The following PARP1 variants were observed in gnomAD, a reference collection of about 807,000 sequenced individuals.
PARP1 encodes the protein poly(ADP-ribose) polymerase 1.
PARP1 carries 44 observed loss-of-function variants against 118.7 expected under a neutral mutation model. The observed-to-expected ratio is 0.37, with a 90% CI of 0.29 to 0.48. The LOEUF (loss-of-function observed/expected upper bound fraction) is 0.48. Ranked by LOEUF, PARP1 falls within the 20% of genes least tolerant of loss-of-function variation. The pLI is 0.99. For missense variants in PARP1, 1,100 were observed against 1,272.4 expected (o/e 0.86, Z 2.06); for synonymous variants, 492 against 483.2 (o/e 1.02, Z -0.24).
intron 13 of PARP1, among the ~76,000 whole-genome samples, chr1:226,376,821 G>C (rs1483055842): frequency 6.6e-6 from 1 of 152,148 alleles, no homozygotes; most frequent in Non-Finnish European, 1.5e-5. Context: ...TTAGGATTTT[G>C]TATCTCTATT....
At chr1:226,370,370 AG>A in intron 15 of PARP1, 63 bp downstream of exon 15, 1 of 1,143,070 alleles carries the variant, frequency 8.7e-7, no homozygotes, top group Middle Eastern at 1.9e-4. Flanking sequence ...TGCCACCCCC[AG>A]GTCTCACCCC....
At chr1:226,362,952 A>C in intron 21 of PARP1, 147 bp downstream of exon 21, 1 of 686,592 alleles carries the variant, frequency 1.5e-6, no homozygotes, top group Non-Finnish European at 2.7e-6. Context: ...AACAACAACA[A>C]CGCACACACA....
chr1:226,389,371 G>A (rs895121886), intron 4 of PARP1, among the ~76,000 whole-genome samples: 8 of 152,166 alleles, frequency 5.3e-5, no homozygotes, highest in Admixed American at 1.3e-4. Flanking sequence ...AAATACAGGC[G>A]CAGGACAGCC....
chr1:226,388,942 TGCA>T (rs1430376211), intron 4 of PARP1, among the ~76,000 whole-genome samples, 187 bp from the exon 5 acceptor site: 1 of 152,104 alleles, frequency 6.6e-6, no homozygotes, highest in Non-Finnish European at 1.5e-5. Flanking sequence ...AGGGAGTACT[TGCA>T]GCCAAGATGG....
intron 3 of PARP1, among the ~76,000 whole-genome samples, 197 bp downstream of exon 3, chr1:226,392,002 G>A (rs1215279691): frequency 6.6e-6 from 1 of 152,188 alleles, no homozygotes; most frequent in African/African-American, 2.4e-5. Flanking sequence ...ATGAGAACTG[G>A]ACCGTGATAA....
chr1:226,379,540 C>A, intron 11 of PARP1, 33 bp downstream of exon 11: 1 of 1,570,718 alleles, frequency 6.4e-7, no homozygotes, highest in Non-Finnish European at 8.8e-7. Context: ...GGGGGCGGCA[C>A]AGCCCACTTT....
chr1:226,397,050 G>A (rs187792424), intron 2 of PARP1, among the ~76,000 whole-genome samples: 85 of 151,964 alleles, frequency 5.6e-4, no homozygotes, highest in African/African-American at 1.9e-3. Flanking sequence ...CCTGTGCTTT[G>A]GGAGGCAGAG....
In PARP1 at chr1:226,361,180, A is replaced by G. The variant is rs1283801728; in HGVS notation, c.*280T>C. On this transcript the variant is annotated 3_prime_UTR_variant, in exon 23 of 23. Transcript: ENST00000366794. Reference sequence around the variant, plus strand: ...TTTTTTCCATAGGACTAGTCTATGCAACAGAATCTCTCTCCAGCCTTTTCT... The same window carrying G: ...TTTTTTCCATAGGACTAGTCTATGCGACAGAATCTCTCTCCAGCCTTTTCT... The G allele has an allele frequency of 3.8e-6, 2 of 530,954 alleles. No homozygotes were observed. The highest frequency in any genetic ancestry group is 6.8e-6 in the Non-Finnish European group (2 of 293,420). The allele number at this position is 530,954 out of a possible 1,614,324, so 32.9% of individuals were successfully genotyped here.
chr1:226,372,681 A>C (rs1664411833), intron 14 of PARP1, among the ~76,000 whole-genome samples: 1 of 152,054 alleles, frequency 6.6e-6, no homozygotes. Context: ...TCTCAAACCA[A>C]ACCAAACCAA....
chr1:226,378,573 T>A (rs1479149914), intron 12 of PARP1, among the ~76,000 whole-genome samples: 2 of 152,140 alleles, frequency 1.3e-5, no homozygotes, highest in Admixed American at 1.3e-4. Context: ...TGGGGCTGGG[T>A]GCAGAGGCTC....
At chr1:226,396,489 A>C (rs182009189) in intron 2 of PARP1, among the ~76,000 whole-genome samples, 15 of 152,222 alleles carry the variant, frequency 9.9e-5, no homozygotes, top group Admixed American at 9.2e-4. Context: ...AAGAAAATCA[A>C]GCACACTCAC....
intron 13 of PARP1, among the ~76,000 whole-genome samples, chr1:226,376,217 T>C (rs1188201614): frequency 6.6e-6 from 1 of 152,178 alleles, no homozygotes; most frequent in African/African-American, 2.4e-5. Context: ...ACAGATCTTT[T>C]TGTAAAATAA....
chr1:226,379,481 A>AG (rs1300175899), intron 11 of PARP1, 92 bp downstream of exon 11: 1 of 1,165,302 alleles, frequency 8.6e-7, no homozygotes, highest in African/African-American at 1.5e-5. Context: ...ACACTGCCCC[A>AG]GGTATGCTGC....
intron 8 of PARP1, among the ~76,000 whole-genome samples, chr1:226,381,778 T>C (rs920388451): frequency 6.6e-6 from 1 of 152,162 alleles, no homozygotes; most frequent in Non-Finnish European, 1.5e-5. Context: ...GGGGTGTGCC[T>C]TCTGTTCACA....
chr1:226,385,451 G>GTGGGGCCAGGTT, intron 7 of PARP1, 53 bp downstream of exon 7: 1 of 1,531,114 alleles, frequency 6.5e-7, no homozygotes, highest in South Asian at 1.1e-5. Context: ...AGCGCAGAAA[G>GTGGGGCCAGGTT]TGGGGCCAGG....
At chr1:226,364,751 T>C (rs1045327146) in intron 19 of PARP1, among the ~76,000 whole-genome samples, 8 of 152,242 alleles carry the variant, frequency 5.3e-5, no homozygotes, top group African/African-American at 1.9e-4. Context: ...CACGTGTCTG[T>C]TCTTTGCTTG....
chr1:226,392,090 G>A (rs1187712927), intron 3 of PARP1, 109 bp downstream of exon 3: 6 of 790,968 alleles, frequency 7.6e-6, no homozygotes, highest in East Asian at 4.9e-5. Context: ...AATCACTTAC[G>A]TTGAGCTAGC....
At position 226,365,937 on chromosome 1, in the gene PARP1, G is replaced by C. The variant is rs1482060379; in HGVS notation, c.2505+17C>G. The C allele has an allele frequency of 6.5e-7, 1 of 1,535,910 alleles. No homozygotes were observed. Among genetic ancestry groups the C allele is most frequent in the African/African-American group, 1.4e-5 (1 of 73,400 alleles). Reference sequence around the variant, plus strand: ...TGGCAGGACACAGAAGGAAGTGGGGGAAGAAGGGATTCTTACATCGATGAC... The same window carrying C: ...TGGCAGGACACAGAAGGAAGTGGGGCAAGAAGGGATTCTTACATCGATGAC... On this transcript the variant is annotated intron_variant, in intron 18 of 22. Transcript: ENST00000366794.
chr1:226,381,016 T>A, intron 9 of PARP1, 52 bp downstream of exon 9: 1 of 1,603,954 alleles, frequency 6.2e-7, no homozygotes, highest in Non-Finnish European at 8.5e-7. Context: ...GTCATCACAA[T>A]CATAAGATAC....
Sources: gnomAD v4.1 joint callset for allele counts (sites outside exome capture counted in the v4.1 genomes callset) on GRCh38, gnomAD v4.1.1 for gene constraint, MANE v1.5 for transcripts, NCBI Gene and HGNC (gene_info 2026-07-23, HGNC 2026-07-21) for gene names.